Variants in SMOC2 observed in about 807,000 individuals in gnomAD.
SMOC2 encodes SPARC-related modular calcium-binding protein 2.
Under a neutral mutation model 61.4 loss-of-function variants are expected in SMOC2, and 39 were observed. That is an observed-to-expected ratio of 0.64 (90% CI 0.49 to 0.83). The LOEUF is 0.83. SMOC2 is among the 40% of genes least tolerant of loss of function. SMOC2 has a pLI of 0.00. For synonymous variants in SMOC2, 247 were observed against 239.9 expected, an observed-to-expected ratio of 1.03 and a Z score of -0.27; for missense variants, 556 against 592.9, an observed-to-expected ratio of 0.94 and a Z score of 0.65.
At chr6:168,518,850 T>G (rs1047701086) in intron 2 of SMOC2, among the ~76,000 whole-genome samples, 6 of 149,904 alleles carry the variant, frequency 4.0e-5, no homozygotes, top group Non-Finnish European at 7.4e-5. Context: ...TGCGTGTGTG[T>G]GCCTCCTTGT....
chr6:168,603,228 T>C (rs1021334300), intron 8 of SMOC2, among the ~76,000 whole-genome samples: 1 of 148,568 alleles, frequency 6.7e-6, no homozygotes. Flanking sequence ...TGCCAAACTG[T>C]GAGTCAATTA....
intron 12 of SMOC2, chr6:168,665,217 TC>T (rs1434579282): frequency 6.3e-6 from 1 of 158,422 alleles, no homozygotes; most frequent in Non-Finnish European, 1.4e-5. Context: ...TAAACTCAGT[TC>T]AAAGCACATG....
intron 4 of SMOC2, among the ~76,000 whole-genome samples, chr6:168,529,758 T>G (rs1391376161): frequency 6.6e-6 from 1 of 152,220 alleles, no homozygotes; most frequent in Non-Finnish European, 1.5e-5. Context: ...GGAATTTAAC[T>G]TCTTCCTGAA....
intron 2 of SMOC2, among the ~76,000 whole-genome samples, chr6:168,522,089 C>T (rs1189339942): frequency 1.3e-5 from 2 of 151,978 alleles, no homozygotes; most frequent in East Asian, 1.9e-4. Context: ...TTATAATTTC[C>T]AGCTAAGATG....
intron 1 of SMOC2, among the ~76,000 whole-genome samples, chr6:168,492,734 A>G (rs1239380156): frequency 6.6e-6 from 1 of 152,222 alleles, no homozygotes; most frequent in Non-Finnish European, 1.5e-5. Flanking sequence ...CAAAATGTGG[A>G]TGGTGACCAG....
At chr6:168,476,164 A>G (rs1782078178) in intron 1 of SMOC2, among the ~76,000 whole-genome samples, 1 of 152,142 alleles carries the variant, frequency 6.6e-6, no homozygotes, top group Admixed American at 6.5e-5. Flanking sequence ...GCAGTTGGGA[A>G]ATACATGAGA....
intron 11 of SMOC2, 76 bp downstream of exon 11, chr6:168,653,304 A>T: frequency 6.6e-7 from 1 of 1,515,830 alleles, no homozygotes; most frequent in Non-Finnish European, 8.9e-7. Flanking sequence ...TCACAAACAC[A>T]ATTACAGATT....
chr6:168,595,854 A>T (rs1785316942), intron 7 of SMOC2, among the ~76,000 whole-genome samples: 3 of 152,252 alleles, frequency 2.0e-5, no homozygotes, highest in Non-Finnish European at 4.4e-5. Context: ...TAAAATCCTC[A>T]AGAGAGACGT....
At chr6:168,499,485 A>C (rs924731750) in intron 1 of SMOC2, among the ~76,000 whole-genome samples, 1 of 152,190 alleles carries the variant, frequency 6.6e-6, no homozygotes, top group Admixed American at 6.5e-5. Context: ...GAGACCGATG[A>C]GCTATACATG....
chr6:168,595,928 A>T (rs9456230), intron 7 of SMOC2, among the ~76,000 whole-genome samples: 36,934 of 151,748 alleles, frequency 0.24, 5,034 homozygotes, highest in South Asian at 0.29. Flanking sequence ...CACAGAAAGT[A>T]TGTCGTGTCT....
intron 1 of SMOC2, among the ~76,000 whole-genome samples, chr6:168,461,785 A>G (rs1562540532): frequency 6.6e-6 from 1 of 152,190 alleles, no homozygotes; most frequent in Admixed American, 6.5e-5. Flanking sequence ...ACACCACTCT[A>G]TTACGCCTAG....
chr6:168,464,503 T>C (rs1414496385), intron 1 of SMOC2, among the ~76,000 whole-genome samples: 1 of 152,082 alleles, frequency 6.6e-6, no homozygotes, highest in East Asian at 1.9e-4. Flanking sequence ...GAAAAAAACA[T>C]TTTGGGATCA....
At chr6:168,485,074 C>T (rs1782299642) in intron 1 of SMOC2, among the ~76,000 whole-genome samples, 1 of 151,850 alleles carries the variant, frequency 6.6e-6, no homozygotes. Flanking sequence ...TAACTATGCG[C>T]TTAAAGATAG....
At position 168,608,254 on chromosome 6, in the gene SMOC2, C is replaced by T. The variant is rs377559991; in HGVS notation, c.907+15C>T. ...CCAGCTACAAGGTGAGCAGCACCCG[C>T]GAGTGTGGCCCGAATCCACAGGCCC... On this transcript the variant is annotated intron_variant, in intron 9 of 12. Transcript: ENST00000356284. 20 of 1,608,536 alleles carry T rather than the reference C, an allele frequency of 1.2e-5. No individual in the cohort carries two copies. The highest frequency in any genetic ancestry group is 8.9e-5 in the East Asian group (4 of 44,706).
At chr6:168,530,059 CAAGTT>C (rs914582922) in intron 4 of SMOC2, among the ~76,000 whole-genome samples, 6 of 152,122 alleles carry the variant, frequency 3.9e-5, no homozygotes, top group African/African-American at 1.4e-4. Flanking sequence ...TTTTTGCCCT[CAAGTT>C]AATACCGAGG....
At position 168,567,915 on chromosome 6, in the gene SMOC2, G is replaced by A. The variant is rs9456195; in HGVS notation, c.637+18712G>A. Among the ~76,000 whole-genome samples, 544 of 147,924 alleles carry A rather than the reference G, an allele frequency of 3.7e-3. 2 individuals are homozygous for A. Among genetic ancestry groups the A allele is most frequent in the African/African-American group, 0.014 (508 of 37,488 alleles). On this transcript the variant is annotated intron_variant, in intron 7 of 12. Transcript: ENST00000356284. Reference sequence around the variant, plus strand: ...GAGCAACTACAGGCAAAGACCGGATGGTGTGAGTCGGTGTCTCATATTAGA... The same window carrying A: ...GAGCAACTACAGGCAAAGACCGGATAGTGTGAGTCGGTGTCTCATATTAGA...
rs4708476 is a variant in SMOC2 at position 168,547,469 on chromosome 6, C to T, written c.562+300C>T. Among the ~76,000 whole-genome samples the T allele has an allele frequency of 0.59, 88,864 of 151,622 alleles. 26,995 individuals are homozygous for T. The highest frequency in any genetic ancestry group is 0.97 in the East Asian group (4,966 of 5,138). ...GCCAGAGGCTGCGAAGCTGCAGTTA[C>T]GTGGGATGGACAAGTCCACACATCC... On this transcript the variant is annotated intron_variant, in intron 6 of 12. Coordinates refer to ENST00000356284, the MANE Select transcript of SMOC2 (RefSeq NM_001166412.2).
intron 7 of SMOC2, among the ~76,000 whole-genome samples, chr6:168,598,410 A>G (rs570760893): frequency 1.1e-4 from 16 of 152,308 alleles, no homozygotes; most frequent in Non-Finnish European, 2.2e-4. Context: ...TCCAGCCTCA[A>G]TGACACGTGG....
intron 9 of SMOC2, among the ~76,000 whole-genome samples, chr6:168,614,896 C>T (rs1194630702): frequency 1.2e-4 from 1 of 8,260 alleles, no homozygotes. Flanking sequence ...GGGACCTCTT[C>T]ACACCTACAG....
Sources: gnomAD v4.1 joint callset for allele counts (sites outside exome capture counted in the v4.1 genomes callset) on GRCh38, gnomAD v4.1.1 for gene constraint, MANE v1.5 for transcripts, NCBI Gene and HGNC (gene_info 2026-07-23, HGNC 2026-07-21) for gene names.